Variants in NFATC3 observed in about 807,000 individuals in gnomAD.
NFATC3 encodes the protein nuclear factor of activated T-cells, cytoplasmic 3.
NFATC3 carries 46 observed loss-of-function variants against 98.6 expected under a neutral mutation model. The observed-to-expected ratio is 0.47, with a 90% CI of 0.37 to 0.60. NFATC3 has a LOEUF of 0.60. NFATC3 is among the 20% of genes least tolerant of loss of function. The pLI is 0.00. For synonymous variants in NFATC3, 512 were observed against 472.2 expected (o/e 1.08, Z -1.09); for missense variants, 1,256 against 1,295.5 (o/e 0.97, Z 0.47).
At chr16:68,091,671 A>G (rs1387387761) in intron 1 of NFATC3, among the ~76,000 whole-genome samples, 2 of 152,230 alleles carry the variant, frequency 1.3e-5, no homozygotes, top group South Asian at 2.1e-4. Context: ...GAAGGCAGTC[A>G]CATTGCTCTT....
chr16:68,183,208 G>C (rs558385538), intron 7 of NFATC3, 32 bp from the exon 8 acceptor site: 2 of 1,544,910 alleles, frequency 1.3e-6, no homozygotes, highest in African/African-American at 1.4e-5. Flanking sequence ...TTTTAGTTCT[G>C]AGTGTAACAC....
intron 1 of NFATC3, among the ~76,000 whole-genome samples, chr16:68,117,571 T>C (rs1292301785): frequency 6.6e-6 from 1 of 152,130 alleles, no homozygotes; most frequent in Non-Finnish European, 1.5e-5. Context: ...GCAATGGCGC[T>C]ATCTTGGCTT....
chr16:68,158,432 C>T (rs1467725728), intron 4 of NFATC3, among the ~76,000 whole-genome samples: 1 of 152,130 alleles, frequency 6.6e-6, no homozygotes, highest in Non-Finnish European at 1.5e-5. Context: ...ACTTTACCTC[C>T]AGGCATCCCA....
intron 1 of NFATC3, among the ~76,000 whole-genome samples, chr16:68,099,740 C>T (rs1785251405): frequency 6.6e-6 from 1 of 152,116 alleles, no homozygotes; most frequent in Non-Finnish European, 1.5e-5. Flanking sequence ...ATCTATTCTA[C>T]ATCTCCAAAG....
intron 9 of NFATC3, chr16:68,209,704 G>C (rs1430218883): frequency 2.3e-6 from 1 of 442,290 alleles, no homozygotes; most frequent in African/African-American, 2.1e-5. Flanking sequence ...AAGCTAGGGG[G>C]AATGGTTAGG....
At chr16:68,139,001 G>T (rs1479617290) in intron 3 of NFATC3, among the ~76,000 whole-genome samples, 1 of 152,042 alleles carries the variant, frequency 6.6e-6, no homozygotes, top group Non-Finnish European at 1.5e-5. Context: ...TATTCGATAT[G>T]TATTTTTTGA....
At chr16:68,215,044 G>A (rs1249928508) in intron 9 of NFATC3, among the ~76,000 whole-genome samples, 1 of 152,098 alleles carries the variant, frequency 6.6e-6, no homozygotes, top group Non-Finnish European at 1.5e-5. Flanking sequence ...TACTATGAAA[G>A]CCACTTAAGA....
chr16:68,219,059 C>T (rs1379051578), intron 9 of NFATC3, among the ~76,000 whole-genome samples: 3 of 150,608 alleles, frequency 2.0e-5, no homozygotes, highest in African/African-American at 7.3e-5. Context: ...GCCTGGGCAA[C>T]ATAATAAGAC....
At chr16:68,136,429 T>A (rs989113840) in intron 3 of NFATC3, among the ~76,000 whole-genome samples, 1 of 152,120 alleles carries the variant, frequency 6.6e-6, no homozygotes, top group African/African-American at 2.4e-5. Context: ...CCACCACACC[T>A]GGCTACTTTT....
At chr16:68,152,025 C>T (rs1394195900) in intron 3 of NFATC3, among the ~76,000 whole-genome samples, 2 of 145,506 alleles carry the variant, frequency 1.4e-5, no homozygotes, top group African/African-American at 2.6e-5. Flanking sequence ...GCCTGGATGG[C>T]GCCACTGCAC....
intron 3 of NFATC3, among the ~76,000 whole-genome samples, chr16:68,142,718 A>G (rs2037821187): frequency 2.0e-5 from 3 of 151,956 alleles, no homozygotes; most frequent in Non-Finnish European, 4.4e-5. Flanking sequence ...AGATCATGCC[A>G]TTGCACTTCA....
Position 68,122,133 on chromosome 16 carries a change from A to G in NFATC3, c.250A>G (p.Lys84Glu), listed in dbSNP as rs1598400757. ...LSPSFQLQSH[K>E]NYEGTCEIPE... ...ACCATCGTTTCAGCTCCAAAGTCACAAAAACTATGAAGGAACTTGTGAGAT... is the reference window on the plus strand; with the variant it reads ...ACCATCGTTTCAGCTCCAAAGTCACGAAAACTATGAAGGAACTTGTGAGAT... The change falls in exon 2 of 10, where the codon AAA becomes GAA. Residue 84 changes from lysine to glutamate, a missense_variant. Lys to Glu is a moderately conservative substitution (Grantham distance 56, BLOSUM62 1). Around this residue, in one of 3 missense-constraint regions of NFATC3, gnomAD observed 464 missense variants for 465.7 expected, o/e 1.00. Coordinates refer to ENST00000346183, the MANE Select transcript of NFATC3 (RefSeq NM_173165.3). 4.3e-6 allele frequency: 7 copies of G among 1,614,148 alleles called. No homozygotes were observed. In the East Asian group the frequency reaches 1.3e-4, roughly 31 times the overall value.
chr16:68,221,178 A>G, intron 9 of NFATC3: 4 of 1,612,634 alleles, frequency 2.5e-6, no homozygotes, highest in Non-Finnish European at 3.4e-6. Context: ...AATGACTTAC[A>G]TTTACATTAC....
intron 1 of NFATC3, among the ~76,000 whole-genome samples, chr16:68,106,721 C>G (rs969786659): frequency 2.0e-5 from 3 of 151,568 alleles, no homozygotes; most frequent in Non-Finnish European, 4.4e-5. Flanking sequence ...CCACCGTACC[C>G]GGACGCCTTT....
At chr16:68,207,874 T>G (rs2041214926) in intron 9 of NFATC3, among the ~76,000 whole-genome samples, 1 of 152,232 alleles carries the variant, frequency 6.6e-6, no homozygotes, top group Admixed American at 6.5e-5. Context: ...TGCCAACACA[T>G]GTTATTTTCC....
At chr16:68,124,431 CTTT>C (rs60875488) in intron 2 of NFATC3, among the ~76,000 whole-genome samples, 38 of 130,782 alleles carry the variant, frequency 2.9e-4, no homozygotes, top group Admixed American at 3.9e-4. Context: ...TCTTTTCTTT[CTTT>C]TTTTTTTTTT....
intron 8 of NFATC3, among the ~76,000 whole-genome samples, chr16:68,187,125 A>G (rs759141470): frequency 3.9e-5 from 6 of 152,356 alleles, no homozygotes; most frequent in Non-Finnish European, 7.4e-5. Flanking sequence ...CACGCTGGCT[A>G]TGGAGGGTCT....
intron 3 of NFATC3, among the ~76,000 whole-genome samples, chr16:68,146,756 T>C (rs757525931): frequency 5.3e-5 from 8 of 152,244 alleles, no homozygotes; most frequent in Non-Finnish European, 1.2e-4. Flanking sequence ...TTAGTTAAAT[T>C]AAGCAGGCAC....
chr16:68,193,760 G>T, intron 9 of NFATC3, among the ~76,000 whole-genome samples: 2 of 152,126 alleles, frequency 1.3e-5, no homozygotes, highest in Non-Finnish European at 2.9e-5. Context: ...AAAAAGCTGT[G>T]TATAAGTGGA....
Sources: gnomAD v4.1 joint callset for allele counts (sites outside exome capture counted in the v4.1 genomes callset) on GRCh38, gnomAD v4.1.1 for gene constraint, gnomAD v4.1.1 regional missense constraint, MANE v1.5 for transcripts, NCBI Gene and HGNC (gene_info 2026-07-23, HGNC 2026-07-21) for gene names.